ABCC3: variants seen among roughly 807,000 people sequenced by gnomAD.
ABCC3 encodes the protein ATP-binding cassette sub-family C member 3.
ABCC3 carries 121 observed loss-of-function variants against 165.3 expected under a neutral mutation model. The observed-to-expected ratio is 0.73, with a 90% confidence interval of 0.63 to 0.85. ABCC3 has a LOEUF of 0.85. Ranked by LOEUF, ABCC3 falls within the 40% of genes least tolerant of loss-of-function variation. ABCC3 has a pLI of 0.00. For synonymous variants in ABCC3, 733 were observed against 810.1 expected, an observed-to-expected ratio of 0.90 and a Z score of 1.62; for missense variants, 1,869 against 1,964.1, an observed-to-expected ratio of 0.95 and a Z score of 0.92.
intron 26 of ABCC3, among the ~76,000 whole-genome samples, chr17:50,682,354 A>AT (rs1967943772): frequency 6.6e-6 from 1 of 151,634 alleles, no homozygotes; most frequent in African/African-American, 2.4e-5. Flanking sequence ...TTAAAAAAAA[A>AT]AAAAAAAAAA....
In ABCC3 at chr17:50,634,979, T is replaced by C; in HGVS notation, c.43T>C (p.Trp15Arg). The change falls in exon 1 of 31, where the codon TGG becomes CGG. Residue 15 changes from tryptophan to arginine, a missense_variant and splice_region_variant. Transcript: ENST00000285238. ...CGSGELGSKF[W>R]DSNLSVHTEN... is the part of the protein sequence containing the mutation. ...TTCCGGGGAGCTCGGCTCCAAGTTC[T>C]GGGTAAGGCGCGGGGCTCCGGGGTC... The C allele has an allele frequency of 7.9e-7, 1 of 1,258,948 alleles. No homozygotes were observed. Among genetic ancestry groups the C allele is most frequent in the Non-Finnish European group, 1.0e-6 (1 of 999,546 alleles). The allele number at this position is 1,258,948 out of a possible 1,614,324, so 78.0% of individuals were successfully genotyped here.
intron 29 of ABCC3, among the ~76,000 whole-genome samples, chr17:50,685,942 T>C (rs988222322): frequency 2.6e-5 from 4 of 152,180 alleles, no homozygotes; most frequent in Admixed American, 2.0e-4. Context: ...ACGCCTGTAA[T>C]CCCAGCACTT....
chr17:50,664,362 G>GA, intron 10 of ABCC3: 1 of 524,616 alleles, frequency 1.9e-6, no homozygotes, highest in Non-Finnish European at 3.4e-6. Context: ...AAAGAAAACA[G>GA]AAAAAAAGAA....
rs970953512 is a variant in ABCC3 at position 50,664,333 on chromosome 17, C to T, written c.1338+222C>T. 35 of 586,392 alleles carry T rather than the reference C, an allele frequency of 6.0e-5. 1 individual carries two copies. The East Asian group carries it at 9.3e-4, about 16-fold the overall frequency. The allele number at this position is 586,392 out of a possible 1,614,324, so 36.3% of individuals were successfully genotyped here. On this transcript the variant is annotated intron_variant, in intron 10 of 30. Transcript: ENST00000285238. ...TCCAGCCTGGGCAACATAGCAAGAC[C>T]TTGTCTCTAAAAAGAAACAAAGAAA...
At chr17:50,640,770 T>C (rs1293403491) in intron 1 of ABCC3, among the ~76,000 whole-genome samples, 1 of 152,118 alleles carries the variant, frequency 6.6e-6, no homozygotes, top group African/African-American at 2.4e-5. Flanking sequence ...GGACCCACCC[T>C]CCTCGGCCTC....
intron 8 of ABCC3, 25 bp downstream of exon 8, chr17:50,661,139 T>C (rs1270997132): frequency 6.9e-6 from 11 of 1,588,606 alleles, no homozygotes; most frequent in Non-Finnish European, 9.5e-6. Context: ...CGGCTCACTA[T>C]AGCCCTGCCC....
chr17:50,646,767 C>A (rs1032546708), intron 1 of ABCC3, among the ~76,000 whole-genome samples: 9 of 152,204 alleles, frequency 5.9e-5, no homozygotes, highest in Admixed American at 5.9e-4. Context: ...GTGGGAGGAA[C>A]CAGGTAAGAG....
Position 50,673,972 on chromosome 17 carries a change from CTTT to C in ABCC3, c.2599+315_2599+317del, listed in dbSNP as rs1967722201. 3.3e-4 allele frequency among the ~76,000 whole-genome samples: 5 copies of C among 15,024 alleles called. 1 individual carries two copies. Among genetic ancestry groups the C allele is most frequent in the African/African-American group, 1.2e-3 (4 of 3,450 alleles). The allele number at this position is 15,024 out of a possible 152,430, so 9.9% of individuals were successfully genotyped here. On this transcript the variant is annotated intron_variant, in intron 19 of 30. Coordinates refer to ENST00000285238, the MANE Select transcript of ABCC3 (RefSeq NM_003786.4). ...TCTTTCTTTCTTTCTTTCTTTCTTTCTTTCTTTCTCTCTCTCTCTCTCTCTCTC... is the reference window on the plus strand; with the variant it reads ...TCTTTCTTTCTTTCTTTCTTTCTTTCCTTTCTCTCTCTCTCTCTCTCTCTC...
chr17:50,674,903 G>A (rs960992739), intron 19 of ABCC3, among the ~76,000 whole-genome samples: 4 of 151,176 alleles, frequency 2.6e-5, no homozygotes, highest in African/African-American at 7.3e-5. Context: ...GGGTTCAAGC[G>A]ATTCTCCTGC....
chr17:50,656,607 G>A, intron 2 of ABCC3, 95 bp from the exon 3 acceptor site: 2 of 1,502,818 alleles, frequency 1.3e-6, no homozygotes, highest in Non-Finnish European at 1.8e-6. Flanking sequence ...GGCAGGTCTA[G>A]TGGATTCTGG....
intron 10 of ABCC3, 87 bp downstream of exon 10, chr17:50,664,198 G>A: frequency 6.5e-7 from 1 of 1,528,490 alleles, no homozygotes; most frequent in Non-Finnish European, 8.9e-7. Flanking sequence ...TGGGAGCATG[G>A]CACATGCTTG....
rs35669870 is a variant in ABCC3, at chr17:50,658,476, G to A, written c.654G>A (p.Leu218=). 908 of 1,614,134 alleles carry A rather than the reference G, an allele frequency of 5.6e-4. 4 individuals are homozygous for A. In the African/African-American group the frequency reaches 0.011, roughly 19 times the overall value. The part of the protein sequence containing the change: ...PETSAGFLSR[L]FFWWFTKMAI... ...CCAGCGCTGGCTTTCTCTCCCGCCT[G>A]TTTTTCTGGTGGTTCACAAAGTGAG... The change falls in exon 6 of 31, where the codon CTG becomes CTA. Residue 218 remains leucine, a synonymous_variant. Transcript: ENST00000285238.
intron 23 of ABCC3, among the ~76,000 whole-genome samples, chr17:50,677,455 T>G (rs1967844144): frequency 6.6e-6 from 1 of 152,132 alleles, no homozygotes; most frequent in African/African-American, 2.4e-5. Flanking sequence ...GAGAATCAGA[T>G]AGACATCCTG....
intron 1 of ABCC3, among the ~76,000 whole-genome samples, chr17:50,652,837 C>A (rs1967137883): frequency 6.6e-6 from 1 of 152,172 alleles, no homozygotes; most frequent in Non-Finnish European, 1.5e-5. Flanking sequence ...TCCTACTTGA[C>A]CCAGTCTAAG....
In ABCC3 at chr17:50,671,871, G is replaced by A. The variant is rs191613511; in HGVS notation, c.2242-1100G>A. Reference sequence around the variant, plus strand: ...CGAATAGCTGGGATTACAGGCGCACGCAACTACAGCCCGACTAATTTTTGT... The same window carrying A: ...CGAATAGCTGGGATTACAGGCGCACACAACTACAGCCCGACTAATTTTTGT... On this transcript the variant is annotated intron_variant, in intron 17 of 30. Coordinates refer to ENST00000285238, the MANE Select transcript of ABCC3 (RefSeq NM_003786.4). Among the ~76,000 whole-genome samples the A allele has an allele frequency of 1.4e-3, 211 of 151,788 alleles. 2 individuals are homozygous for A. The Middle Eastern group carries it at 0.034, about 24-fold the overall frequency.
intron 30 of ABCC3, among the ~76,000 whole-genome samples, chr17:50,689,556 A>C (rs1417074297): frequency 6.6e-6 from 1 of 152,248 alleles, no homozygotes; most frequent in African/African-American, 2.4e-5. Context: ...TCACTCACTC[A>C]AGAAACACTT....
At chr17:50,673,418 AG>A in intron 18 of ABCC3, 50 bp from the exon 19 acceptor site, 1 of 1,590,698 alleles carries the variant, frequency 6.3e-7, no homozygotes, top group African/African-American at 1.3e-5. Flanking sequence ...TGCCTGTGCC[AG>A]GGGTGTGCTG....
chr17:50,635,212 C>A, intron 1 of ABCC3: 1 of 622,454 alleles, frequency 1.6e-6, no homozygotes, highest in Admixed American at 2.9e-5. Context: ...TTCCCGGCTG[C>A]AGCACTGGGG....
At chr17:50,647,693 C>T (rs1461302762) in intron 1 of ABCC3, among the ~76,000 whole-genome samples, 1 of 152,192 alleles carries the variant, frequency 6.6e-6, no homozygotes, top group Non-Finnish European at 1.5e-5. Context: ...TGGGGGAAGC[C>T]CACACTGTTG....
Sources: allele counts gnomAD v4.1 joint callset (sites outside exome capture counted in the v4.1 genomes callset), GRCh38; gene constraint gnomAD v4.1.1; transcripts MANE v1.5; gene names NCBI Gene and HGNC (gene_info 2026-07-23, HGNC 2026-07-21).